The following RBM26 variants were observed in gnomAD, a reference collection of about 807,000 sequenced individuals.
The protein encoded by RBM26 is RNA binding motif protein 26.
A neutral mutation model predicts 123.6 loss-of-function variants in RBM26; 30 were observed. The observed-to-expected ratio is 0.24, with a 90% CI of 0.18 to 0.33. The LOEUF (loss-of-function observed/expected upper bound fraction) is 0.33. Among genes scored for constraint, RBM26 ranks in the 10% least tolerant of loss-of-function variants. The probability of loss-of-function intolerance (pLI) is 1.00; values close to 1 mark genes in which losing one functional copy is unlikely to be tolerated. For synonymous variants in RBM26, 400 were observed against 404.4 expected (o/e 0.99, Z 0.13); for missense variants, 947 against 1,203.6 (o/e 0.79, Z 3.15).
chr13:79,368,546 T>A (rs1053879028), intron 6 of RBM26, among the ~76,000 whole-genome samples, 184 bp downstream of exon 6: 2 of 152,198 alleles, frequency 1.3e-5, no homozygotes, highest in African/African-American at 4.8e-5. Flanking sequence ...TACCTTTAAA[T>A]TGATAATCAA....
intron 18 of RBM26, among the ~76,000 whole-genome samples, chr13:79,338,120 G>A (rs2070762429): frequency 2.0e-5 from 3 of 152,120 alleles, no homozygotes; most frequent in South Asian, 2.1e-4. Context: ...GCTGAGGCAG[G>A]AGAATCACTT....
Position 79,355,342 on chromosome 13 carries a change from C to T in RBM26, c.1732G>A (p.Ala578Thr), listed in dbSNP as rs1183124708. 6.2e-7 allele frequency: 1 copy of T among 1,613,670 alleles called. No homozygotes were observed. The highest frequency in any genetic ancestry group is 2.2e-5 in the East Asian group (1 of 44,864). ...GCTTTCTTTGCTTCTTCGTATGTTGCAAATTGGATTAGGGCACCTTCAGGA... is the reference window on the plus strand; with the variant it reads ...GCTTTCTTTGCTTCTTCGTATGTTGTAAATTGGATTAGGGCACCTTCAGGA... The part of the protein sequence containing the change: ...GDPEGALIQF[A>T]TYEEAKKAIS... The change falls in exon 12 of 22, where the codon GCA becomes ACA. Residue 578 changes from alanine (A) to threonine (T), a missense_variant. Coordinates refer to ENST00000438737, the MANE Select transcript of RBM26 (RefSeq NM_001366735.2).
At position 79,358,385 on chromosome 13, in the gene RBM26, T is replaced by C. The variant is rs765449885; in HGVS notation, c.1578A>G (p.Gln526=). The change falls in exon 11 of 22, where the codon CAA becomes CAG. Residue 526 remains glutamine, a synonymous_variant. Transcript: ENST00000438737. Reference sequence around the variant, plus strand: ...CAAGCTTGGTATTTTCATTTCCAAATTGAACCTTCTTCTGAAAGCCTGGGC... The same window carrying C: ...CAAGCTTGGTATTTTCATTTCCAAACTGAACCTTCTTCTGAAAGCCTGGGC... ...TNSPGFQKKV[Q]FGNENTKLEL... 48 of 1,611,594 alleles carry C rather than the reference T, an allele frequency of 3.0e-5. No individual in the cohort carries two copies. Among genetic ancestry groups the C allele is most frequent in the East Asian group, 2.7e-4 (12 of 44,746 alleles).
intron 12 of RBM26, 78 bp downstream of exon 12, chr13:79,355,142 C>G: frequency 7.4e-7 from 1 of 1,349,502 alleles, no homozygotes; most frequent in Non-Finnish European, 1.0e-6. Context: ...CTACTTGATT[C>G]CAATGCCTCT....
chr13:79,312,619 T>C (rs2138195449), exon 5 of RBM26: 1 of 152,200 alleles, frequency 6.6e-6, no homozygotes, highest in Non-Finnish European at 1.5e-5. Context: ...ACAGCCATGC[T>C]GAATGAGTTT....
At chr13:79,317,871 T>C (rs1036214251), downstream of RBM26, among the ~76,000 whole-genome samples, 1 of 151,676 alleles carries the variant, frequency 6.6e-6, no homozygotes, top group South Asian at 2.1e-4. Flanking sequence ...TGTCACTCTA[T>C]GATTGGATAT....
intron 1 of RBM26, among the ~76,000 whole-genome samples, chr13:79,391,573 A>T (rs1221612332): frequency 6.6e-6 from 1 of 151,962 alleles, no homozygotes; most frequent in Non-Finnish European, 1.5e-5. Flanking sequence ...ACAGGCGCCC[A>T]CCACAACACC....
chr13:79,343,803 G>A (rs909604697), intron 16 of RBM26, among the ~76,000 whole-genome samples: 5 of 151,968 alleles, frequency 3.3e-5, no homozygotes, highest in African/African-American at 9.6e-5. Flanking sequence ...GAGATCTAGT[G>A]TATATTTTAC....
In RBM26 at chr13:79,358,363, G is replaced by C; in HGVS notation, c.1600C>G (p.Leu534Val). 1.2e-6 allele frequency: 2 copies of C among 1,611,820 alleles called. No individual in the cohort carries two copies. Among genetic ancestry groups the C allele is most frequent in the Non-Finnish European group, 1.7e-6 (2 of 1,179,048 alleles). The stretch of plus-strand genomic sequence containing the variant: ...TCTGGAGGAACTTTTCTAAGTTCAA[G>C]CTTGGTATTTTCATTTCCAAATTGA... Reference protein sequence around the residue: ...KVQFGNENTKLELRKVPPELN... With the variant: ...KVQFGNENTKVELRKVPPELN... The change falls in exon 11 of 22, where the codon CTT becomes GTT. Residue 534 changes from leucine (L) to valine (V), a missense_variant. Leu to Val is a conservative substitution (Grantham distance 32, BLOSUM62 1). Coordinates refer to ENST00000438737, the MANE Select transcript of RBM26 (RefSeq NM_001366735.2).
chr13:79,343,263 C>T (rs1284456021), intron 16 of RBM26, among the ~76,000 whole-genome samples: 2 of 151,826 alleles, frequency 1.3e-5, no homozygotes, highest in African/African-American at 4.8e-5. Flanking sequence ...TGGTTCCTTT[C>T]ATACAATGAG....
At chr13:79,322,297 T>C (rs371997110) in intron 21 of RBM26, 52 bp downstream of exon 21, 270 of 1,172,656 alleles carry the variant, frequency 2.3e-4, no homozygotes, top group Non-Finnish European at 3.0e-4. Context: ...ACATTTTATA[T>C]AAAAGCTATG....
Position 79,385,167 on chromosome 13 carries a change from T to G in RBM26, c.72-6260A>C, listed in dbSNP as rs77292924. On this transcript the variant is annotated intron_variant, in intron 1 of 21. Transcript: ENST00000438737. Reference sequence around the variant, plus strand: ...AAGTCATGATTTTATATTCTGTACTTAGAATTACTCTTTTAAAAATCCAAA... The same window carrying G: ...AAGTCATGATTTTATATTCTGTACTGAGAATTACTCTTTTAAAAATCCAAA... 1.9e-3 allele frequency among the ~76,000 whole-genome samples: 285 copies of G among 152,326 alleles called. 2 individuals carry two copies. The highest frequency in any genetic ancestry group is 6.6e-3 in the African/African-American group (276 of 41,576).
intron 21 of RBM26, among the ~76,000 whole-genome samples, chr13:79,321,344 A>G (rs911096305): frequency 1.3e-5 from 2 of 151,420 alleles, no homozygotes; most frequent in African/African-American, 4.8e-5. Context: ...GTTTCAAAAT[A>G]TACATTTTTA....
At chr13:79,360,058 T>G (rs899967586) in intron 9 of RBM26, among the ~76,000 whole-genome samples, 1 of 152,064 alleles carries the variant, frequency 6.6e-6, no homozygotes, top group Non-Finnish European at 1.5e-5. Context: ...CCAAGAAGGG[T>G]AAATACAAAA....
At chr13:79,388,698 T>TA (rs2077690260) in intron 1 of RBM26, among the ~76,000 whole-genome samples, 1 of 152,194 alleles carries the variant, frequency 6.6e-6, no homozygotes, top group Admixed American at 6.5e-5. Flanking sequence ...TTAACAACTT[T>TA]AGAGACTGGT....
At chr13:79,325,845 C>T (rs553489518) in intron 20 of RBM26, among the ~76,000 whole-genome samples, 1 of 152,148 alleles carries the variant, frequency 6.6e-6, no homozygotes, top group South Asian at 2.1e-4. Context: ...CCTGCAAATG[C>T]CATTCATGGT....
At chr13:79,324,647 A>G (rs1400162307) in intron 20 of RBM26, among the ~76,000 whole-genome samples, 5 of 151,836 alleles carry the variant, frequency 3.3e-5, no homozygotes, top group Non-Finnish European at 7.4e-5. Context: ...GAATTTACCA[A>G]TATTTTCCTT....
intron 7 of RBM26, 145 bp from the exon 8 acceptor site, chr13:79,366,340 A>G: frequency 1.0e-6 from 1 of 982,720 alleles, no homozygotes; most frequent in Non-Finnish European, 1.5e-6. Context: ...TATCCAGGGT[A>G]AAATATCCTT....
chr13:79,350,544 C>T (rs1372931741), intron 14 of RBM26, among the ~76,000 whole-genome samples: 1 of 152,100 alleles, frequency 6.6e-6, no homozygotes, highest in Non-Finnish European at 1.5e-5. Context: ...GCAGCAATTA[C>T]GTTTTAACTT....
Sources: gnomAD v4.1 joint callset for allele counts (sites outside exome capture counted in the v4.1 genomes callset) on GRCh38, gnomAD v4.1.1 for gene constraint, MANE v1.5 for transcripts, NCBI Gene and HGNC (gene_info 2026-07-23, HGNC 2026-07-21) for gene names.